GRAMD4: variants seen among roughly 807,000 people sequenced by gnomAD.
The protein encoded by GRAMD4 is GRAM domain-containing protein 4.
In GRAMD4, 25 loss-of-function variants were observed where a neutral mutation model predicts 83.9. That is an observed-to-expected ratio of 0.30 (90% CI 0.22 to 0.42). The LOEUF is 0.42. Among genes scored for constraint, GRAMD4 ranks in the 10% least tolerant of loss-of-function variants. The pLI is 1.00. For synonymous variants in GRAMD4, 336 were observed against 320.9 expected (o/e 1.05, Z -0.50); for missense variants, 593 against 788.7 (o/e 0.75, Z 2.97).
At chr22:46,630,149 T>C (rs1423531622) in intron 2 of GRAMD4, among the ~76,000 whole-genome samples, 1 of 151,876 alleles carries the variant, frequency 6.6e-6, no homozygotes, top group East Asian at 1.9e-4. Flanking sequence ...CTCAGCCTCC[T>C]AAGTAGCTGG....
chr22:46,676,591 G>C lies in GRAMD4; in HGVS notation c.1564-9G>C, dbSNP rs2082601936. 1.9e-6 allele frequency: 3 copies of C among 1,549,208 alleles called. No individual in the cohort carries two copies. The South Asian group carries it at 3.6e-5, about 18-fold the overall frequency. ...AGACCTGTGGTGACGGCCACGCTTT[G>C]CCTTTCAGTACAAGGTCCTGTCTGT... On this transcript the variant is annotated splice_polypyrimidine_tract_variant and intron_variant, in intron 17 of 18. Transcript: ENST00000406902.
At chr22:46,654,757 G>A (rs1476826652) in intron 3 of GRAMD4, among the ~76,000 whole-genome samples, 1 of 152,226 alleles carries the variant, frequency 6.6e-6, no homozygotes, top group Non-Finnish European at 1.5e-5. Flanking sequence ...ACATCTTGCT[G>A]GTTTCTCCTT....
At chr22:46,619,551 C>T (rs2081545687), upstream of GRAMD4, among the ~76,000 whole-genome samples, 1 of 152,194 alleles carries the variant, frequency 6.6e-6, no homozygotes, top group African/African-American at 2.4e-5. Context: ...ACCTCAGCCT[C>T]TCAAAGTGCT....
intron 5 of GRAMD4, among the ~76,000 whole-genome samples, chr22:46,662,190 A>T (rs1010781454): frequency 6.6e-6 from 1 of 152,202 alleles, no homozygotes; most frequent in Non-Finnish European, 1.5e-5. Flanking sequence ...AAGAAGCCGC[A>T]GGAGCCTGCC....
chr22:46,677,759 C>T lies in GRAMD4; in HGVS notation c.*508C>T, dbSNP rs1036193540. 44 of 986,182 alleles carry T rather than the reference C, an allele frequency of 4.5e-5. No individual in the cohort carries two copies. The highest frequency in any genetic ancestry group is 2.3e-4 in the East Asian group (2 of 8,840). 61.1% of individuals were successfully genotyped at this position (986,182 alleles called of 1,614,324 possible). On this transcript the variant is annotated 3_prime_UTR_variant, in exon 19 of 19. Coordinates refer to ENST00000406902, the MANE Select transcript of GRAMD4 (RefSeq NM_015124.5). ...GGGCCTTTCACCAACCACCGAGAAA[C>T]GGGCCTGGCGGCCCTCCTTCCTCTT...
At chr22:46,599,819 C>T (rs1233259245) in intron 1 of GRAMD4, among the ~76,000 whole-genome samples, 2 of 152,176 alleles carry the variant, frequency 1.3e-5, no homozygotes, top group South Asian at 2.1e-4. Flanking sequence ...TGGTCGCCGT[C>T]GCTGGAGCAA....
rs3747254 is a variant in GRAMD4 at position 46,678,373 on chromosome 22, G to C, written c.*1122G>C. On this transcript the variant is annotated 3_prime_UTR_variant, in exon 19 of 19. Coordinates refer to ENST00000406902, the MANE Select transcript of GRAMD4 (RefSeq NM_015124.5). ...CGTTCCCTCCCCCGCGTGCCTAGCC[G>C]GTGCCGGTCCGGGCACAGACCCCCC... 1,735 of 984,434 alleles carry C rather than the reference G, an allele frequency of 1.8e-3. 97 individuals are homozygous for C. The East Asian group carries it at 0.13, about 75-fold the overall frequency. 61.0% of individuals were successfully genotyped at this position (984,434 alleles called of 1,614,324 possible).
At chr22:46,657,399 T>TG (rs2147322193) in intron 3 of GRAMD4, among the ~76,000 whole-genome samples, 1 of 152,290 alleles carries the variant, frequency 6.6e-6, no homozygotes, top group South Asian at 2.1e-4. Context: ...GAGGCAGGGA[T>TG]GGGGCAGAGG....
chr22:46,680,543 TGTCCGTCC>T (rs531762294), downstream of GRAMD4, among the ~76,000 whole-genome samples: 6 of 70,568 alleles, frequency 8.5e-5, no homozygotes, highest in East Asian at 4.2e-4. Context: ...CATCCACATC[TGTCCGTCC>T]GTCCGTCCGT....
rs1427796872 is a variant in GRAMD4 at position 46,677,240 on chromosome 22, G to A, written c.1726G>A (p.Gly576Arg). Reference sequence around the variant, plus strand: ...GATCACCTCAGCGGCAGCGTCTGGCGGGGACAGCTAGTATTGACTTGCCCA... The same window carrying A: ...GATCACCTCAGCGGCAGCGTCTGGCAGGGACAGCTAGTATTGACTTGCCCA... Reference protein sequence around the residue: ...IKITSAAASGGDS With the variant: ...IKITSAAASGRDS Residue 576 changes from glycine to arginine, a missense_variant, in exon 19 of 19, where the codon GGG becomes AGG. This residue lies in a region of GRAMD4 where 74 missense variants were observed against 152.7 expected (regional missense o/e 0.48). Transcript: ENST00000406902. 1.3e-5 allele frequency: 21 copies of A among 1,612,816 alleles called. No homozygotes were observed. The highest frequency in any genetic ancestry group is 3.3e-5 in the Admixed American group (2 of 59,840).
At chr22:46,627,797 C>G (rs1438507674) in intron 2 of GRAMD4, among the ~76,000 whole-genome samples, 2 of 152,236 alleles carry the variant, frequency 1.3e-5, no homozygotes, top group Non-Finnish European at 2.9e-5. Context: ...TTGCTTTCAG[C>G]AGGAATTAAT....
At position 46,620,595 on chromosome 22, in the gene GRAMD4, A is replaced by AGGGGGG. The variant is rs2081559799; in HGVS notation, c.-50+30_-50+31insGGGGGG. 3.7e-6 allele frequency: 1 copy of AGGGGGG among 273,098 alleles called. No individual in the cohort carries two copies. The highest frequency in any genetic ancestry group is 5.1e-6 in the Non-Finnish European group (1 of 196,142). The allele number at this position is 273,098 out of a possible 1,614,324, so 16.9% of individuals were successfully genotyped here. On this transcript the variant is annotated intron_variant, in intron 1 of 18. Coordinates refer to ENST00000406902, the MANE Select transcript of GRAMD4 (RefSeq NM_015124.5). This position sits in a 1 kb window ranked among gnomAD's most constrained non-coding sequence, Gnocchi z 4.7. ...GGGGCAGGGGGCAGGGGGCAGGGGG[A>AGGGGGG]CATGGTAGGGCCCATCTGAGTGGAA...
chr22:46,630,520 C>T (rs911639153), intron 2 of GRAMD4, among the ~76,000 whole-genome samples: 5 of 152,190 alleles, frequency 3.3e-5, no homozygotes, highest in Admixed American at 2.6e-4. Flanking sequence ...CGCCATGCTC[C>T]GTGCCCACCG....
chr22:46,669,725 G>A (rs111766260), intron 13 of GRAMD4, among the ~76,000 whole-genome samples: 2,377 of 151,908 alleles, frequency 0.016, 58 homozygotes, highest in African/African-American at 0.055. Context: ...ACAGGCACCC[G>A]CCACCACGCC....
chr22:46,633,789 C>T (rs1388128042), intron 2 of GRAMD4, among the ~76,000 whole-genome samples: 1 of 152,118 alleles, frequency 6.6e-6, no homozygotes. Context: ...GGGGTGTAGG[C>T]AGGAGGTGGG....
At chr22:46,578,238 A>G (rs2081064443) in intron 1 of GRAMD4, among the ~76,000 whole-genome samples, 1 of 152,122 alleles carries the variant, frequency 6.6e-6, no homozygotes, top group Non-Finnish European at 1.5e-5. Flanking sequence ...TCTCTCCTAC[A>G]TGCCAAAAAG....
In GRAMD4 at chr22:46,638,077, G is replaced by T. The variant is rs375184292; in HGVS notation, c.283+117G>T. 43 of 1,092,514 alleles carry T rather than the reference G, an allele frequency of 3.9e-5. No individual in the cohort carries two copies. The East Asian group carries it at 5.5e-4, about 14-fold the overall frequency. The allele number at this position is 1,092,514 out of a possible 1,614,324, so 67.7% of individuals were successfully genotyped here. A position where few individuals can be genotyped will look rare whatever the true frequency, so the allele number is the denominator to read the frequency against. On this transcript the variant is annotated intron_variant, in intron 3 of 18. Coordinates refer to ENST00000406902, the MANE Select transcript of GRAMD4 (RefSeq NM_015124.5). ...GGTGAAGACCCACGCAGGCTCCATC[G>T]CTGGACACGAGCCCTGGGCAGCTGT...
chr22:46,652,067 G>A (rs977445405), intron 3 of GRAMD4, among the ~76,000 whole-genome samples: 1 of 152,160 alleles, frequency 6.6e-6, no homozygotes, highest in African/African-American at 2.4e-5. Context: ...AGTGTGGTTG[G>A]CACACTCATG....
chr22:46,675,789 A>T (rs2082588720), intron 17 of GRAMD4, among the ~76,000 whole-genome samples: 1 of 152,038 alleles, frequency 6.6e-6, no homozygotes, highest in Non-Finnish European at 1.5e-5. Flanking sequence ...GCTGGGTTGG[A>T]GCCCAGGAGG....
Sources: gnomAD v4.1 joint callset for allele counts (sites outside exome capture counted in the v4.1 genomes callset) on GRCh38, gnomAD v4.1.1 for gene constraint, gnomAD v4.1.1 regional missense constraint, Gnocchi (gnomAD v3.1) non-coding constraint, MANE v1.5 for transcripts, NCBI Gene and HGNC (gene_info 2026-07-23, HGNC 2026-07-21) for gene names.